CDH4: variants seen among roughly 807,000 people sequenced by gnomAD.
CDH4 encodes cadherin-4.
Under a neutral mutation model 86.0 loss-of-function variants are expected in CDH4, and 33 were observed. That is an observed-to-expected ratio of 0.38 (90% CI 0.29 to 0.51). CDH4 has a LOEUF of 0.51. Among genes scored for constraint, CDH4 ranks in the 20% least tolerant of loss-of-function variants. The pLI, the probability that CDH4 is intolerant of heterozygous loss-of-function variation, is 0.86. For synonymous variants in CDH4, 555 were observed against 549.4 expected (o/e 1.01, Z -0.14); for missense variants, 1,114 against 1,307.4 (o/e 0.85, Z 2.28).
intron 2 of CDH4, among the ~76,000 whole-genome samples, chr20:61,725,091 G>A (rs1315593904): frequency 3.3e-5 from 5 of 152,312 alleles, no homozygotes; most frequent in East Asian, 1.9e-4. Flanking sequence ...CAGCCTGGGC[G>A]ACAGAGTGAG....
chr20:61,925,423 C>T (rs895443656), intron 11 of CDH4, among the ~76,000 whole-genome samples: 6 of 152,172 alleles, frequency 3.9e-5, no homozygotes, highest in Non-Finnish European at 7.3e-5. Context: ...TCTGCCAAGT[C>T]GGGGGAGTCT....
At chr20:61,493,910 CAG>C in intron 2 of CDH4, among the ~76,000 whole-genome samples, 1 of 152,350 alleles carries the variant, frequency 6.6e-6, no homozygotes, top group South Asian at 2.1e-4. Flanking sequence ...GGATGCCCCT[CAG>C]AGCCTGGCCC....
chr20:61,796,946 A>G (rs1171080023), intron 4 of CDH4, among the ~76,000 whole-genome samples: 1 of 152,088 alleles, frequency 6.6e-6, no homozygotes, highest in Non-Finnish European at 1.5e-5. Flanking sequence ...TCGCGTGCCC[A>G]TGCCGGCTTG....
intron 2 of CDH4, among the ~76,000 whole-genome samples, chr20:61,714,914 G>C (rs1334083509): frequency 6.6e-6 from 1 of 152,152 alleles, no homozygotes; most frequent in Non-Finnish European, 1.5e-5. Context: ...CTTTTCCATT[G>C]GGTAGATACC....
intron 2 of CDH4, among the ~76,000 whole-genome samples, chr20:61,547,960 C>T (rs1009159527): frequency 3.3e-5 from 5 of 152,318 alleles, no homozygotes; most frequent in Admixed American, 2.6e-4. Context: ...TAAATAAAAA[C>T]AAAGTAACAC....
intron 2 of CDH4, among the ~76,000 whole-genome samples, chr20:61,402,614 C>G (rs2085055702): frequency 6.6e-6 from 1 of 152,340 alleles, no homozygotes; most frequent in Middle Eastern, 3.4e-3. Flanking sequence ...CGGTCTCAAA[C>G]TCTTGACCTC....
chr20:61,661,470 C>T (rs1273288374), intron 2 of CDH4, among the ~76,000 whole-genome samples: 5 of 115,084 alleles, frequency 4.3e-5, no homozygotes, highest in African/African-American at 1.3e-4. Context: ...TGCTTTCTGA[C>T]TTTTTTTTTT....
intron 2 of CDH4, among the ~76,000 whole-genome samples, chr20:61,583,063 TTGG>T (rs2086441074): frequency 6.6e-6 from 1 of 151,324 alleles, no homozygotes; most frequent in African/African-American, 2.4e-5. Flanking sequence ...CCAGATGTTC[TTGG>T]TGTTTGTGGT....
chr20:61,287,123 G>A (rs1161968323), intron 2 of CDH4, among the ~76,000 whole-genome samples: 1 of 152,154 alleles, frequency 6.6e-6, no homozygotes, highest in Non-Finnish European at 1.5e-5. Flanking sequence ...CAGTGTCTTC[G>A]TCTGAAAACC....
chr20:61,254,553 C>G (rs998710290), intron 1 of CDH4, among the ~76,000 whole-genome samples: 1 of 152,206 alleles, frequency 6.6e-6, no homozygotes, highest in East Asian at 1.9e-4. Context: ...AAGGCCCTGG[C>G]CGGCCTGGCT....
chr20:61,593,721 T>G (rs1312797700), intron 2 of CDH4, among the ~76,000 whole-genome samples: 1 of 152,068 alleles, frequency 6.6e-6, no homozygotes, highest in Non-Finnish European at 1.5e-5. Context: ...TCCTCATGCC[T>G]CCATTCTGGA....
At chr20:61,359,278 G>A (rs1283311007) in intron 2 of CDH4, among the ~76,000 whole-genome samples, 1 of 152,160 alleles carries the variant, frequency 6.6e-6, no homozygotes, top group Admixed American at 6.5e-5. Context: ...TGGGGGTGGG[G>A]GGTGGACTAC....
rs183198357 is a variant in CDH4 at position 61,714,115 on chromosome 20, T to C, written c.170-29448T>C. Reference sequence around the variant, plus strand: ...AGGCTGGAGTGCAGTGGCGTGATCTTGGCTCACTACAAGCTCTGCCTCCCA... The same window carrying C: ...AGGCTGGAGTGCAGTGGCGTGATCTCGGCTCACTACAAGCTCTGCCTCCCA... On this transcript the variant is annotated intron_variant, in intron 2 of 15. Transcript: ENST00000614565. Among the ~76,000 whole-genome samples the C allele has an allele frequency of 3.3e-5, 5 of 151,752 alleles. No homozygotes were observed. The East Asian group carries it at 9.7e-4, about 29-fold the overall frequency.
chr20:61,551,777 A>G (rs1276368720), intron 2 of CDH4, among the ~76,000 whole-genome samples: 1 of 152,278 alleles, frequency 6.6e-6, no homozygotes, highest in African/African-American at 2.4e-5. Flanking sequence ...TCACATAAGG[A>G]TAGACATATA....
chr20:61,278,799 A>T (rs2084243440), intron 2 of CDH4, among the ~76,000 whole-genome samples: 1 of 152,180 alleles, frequency 6.6e-6, no homozygotes, highest in Non-Finnish European at 1.5e-5. Context: ...TGGATAGAGG[A>T]AGAGCAGCCT....
intron 7 of CDH4, among the ~76,000 whole-genome samples, chr20:61,891,362 C>A (rs139866773): frequency 1.1e-3 from 170 of 152,276 alleles, no homozygotes; most frequent in African/African-American, 3.9e-3. Flanking sequence ...CCTGCAGGCC[C>A]CTCCCTGTCC....
intron 2 of CDH4, among the ~76,000 whole-genome samples, chr20:61,587,061 G>A (rs905438459): frequency 9.9e-5 from 15 of 152,156 alleles, no homozygotes; most frequent in Non-Finnish European, 2.1e-4. Context: ...GGTCAGAGGA[G>A]GGATGTCAGC....
At chr20:61,759,808 C>T (rs2088610654) in intron 3 of CDH4, among the ~76,000 whole-genome samples, 1 of 152,112 alleles carries the variant, frequency 6.6e-6, no homozygotes, top group Non-Finnish European at 1.5e-5. Flanking sequence ...TGGTTGTCAC[C>T]ACAGTGGGGT....
Position 61,319,280 on chromosome 20 carries a change from C to T in CDH4, c.169+64343C>T, listed in dbSNP as rs115628938. Among the ~76,000 whole-genome samples, 1,392 of 152,156 alleles carry T rather than the reference C, an allele frequency of 9.1e-3. 22 individuals carry two copies. The highest frequency in any genetic ancestry group is 0.031 in the African/African-American group (1,297 of 41,494). The stretch of plus-strand genomic sequence containing the variant: ...GGGAAACTGAGGCTCAGGAAGGTGA[C>T]GTGTGTAGGGCCAAAAGGACACACT... On this transcript the variant is annotated intron_variant, in intron 2 of 15. Coordinates refer to ENST00000614565, the MANE Select transcript of CDH4 (RefSeq NM_001794.5).
Sources: gnomAD v4.1 joint callset for allele counts (sites outside exome capture counted in the v4.1 genomes callset) on GRCh38, gnomAD v4.1.1 for gene constraint, MANE v1.5 for transcripts, NCBI Gene and HGNC (gene_info 2026-07-23, HGNC 2026-07-21) for gene names.